The following IGF1R variants were observed in gnomAD, a reference collection of about 807,000 sequenced individuals.
IGF1R encodes insulin-like growth factor 1 receptor.
In IGF1R, 44 loss-of-function variants were observed where a neutral mutation model predicts 144.6. That is an observed-to-expected ratio of 0.30 (90% confidence interval 0.24 to 0.39). IGF1R has a LOEUF of 0.39. Among genes scored for constraint, IGF1R ranks in the 10% least tolerant of loss-of-function variants. The probability of loss-of-function intolerance (pLI) is 1.00; values close to 1 mark genes in which losing one functional copy is unlikely to be tolerated. For missense variants in IGF1R, 1,355 were observed against 1,833.7 expected (o/e 0.74, Z 4.77); for synonymous variants, 795 against 722.8 (o/e 1.10, Z -1.60).
chr15:98,918,282 A>C (rs1427606136), intron 10 of IGF1R, among the ~76,000 whole-genome samples: 1 of 152,066 alleles, frequency 6.6e-6, no homozygotes, highest in Non-Finnish European at 1.5e-5. Flanking sequence ...CCCACCCAGC[A>C]CGTTCCCTTC....
intron 1 of IGF1R, among the ~76,000 whole-genome samples, chr15:98,700,345 A>T (rs2053696768): frequency 6.6e-6 from 1 of 152,020 alleles, no homozygotes; most frequent in Non-Finnish European, 1.5e-5. Flanking sequence ...TGTCAATTTG[A>T]GAAGTAACAG....
At chr15:98,833,131 A>G (rs1177944597) in intron 2 of IGF1R, among the ~76,000 whole-genome samples, 3 of 152,216 alleles carry the variant, frequency 2.0e-5, no homozygotes, top group Admixed American at 6.5e-5. Context: ...CTGAACTTCA[A>G]TAGAATAACA....
intron 2 of IGF1R, among the ~76,000 whole-genome samples, chr15:98,775,103 A>T (rs967641065): frequency 6.6e-6 from 1 of 152,084 alleles, no homozygotes; most frequent in African/African-American, 2.4e-5. Context: ...AGGTTATAAT[A>T]CCTGAGTCCA....
chr15:98,942,882 C>G, intron 18 of IGF1R, 41 bp from the exon 19 acceptor site: 1 of 1,613,576 alleles, frequency 6.2e-7, no homozygotes, highest in Middle Eastern at 1.7e-4. Flanking sequence ...GCAGTGGTGC[C>G]TGCTCCAGCG....
At chr15:98,777,331 A>G (rs1567124016) in intron 2 of IGF1R, among the ~76,000 whole-genome samples, 2 of 152,260 alleles carry the variant, frequency 1.3e-5, no homozygotes, top group Admixed American at 6.5e-5. Context: ...TGCCAAGGTT[A>G]AAGTTGAGAC....
At chr15:98,870,239 C>T (rs866249064) in intron 2 of IGF1R, among the ~76,000 whole-genome samples, 1 of 152,204 alleles carries the variant, frequency 6.6e-6, no homozygotes, top group Non-Finnish European at 1.5e-5. Context: ...TGAAGTTGTA[C>T]CTATTAAACA....
At chr15:98,692,055 C>T (rs763256552) in intron 1 of IGF1R, among the ~76,000 whole-genome samples, 86 of 152,116 alleles carry the variant, frequency 5.7e-4, no homozygotes, top group Non-Finnish European at 1.2e-3. Flanking sequence ...TTTCTTTGGC[C>T]GGGCACAGAG....
chr15:98,899,411 A>T lies in IGF1R; in HGVS notation c.1103-66A>T. 3 of 1,536,372 alleles carry T rather than the reference A, an allele frequency of 2.0e-6. No individual in the cohort carries two copies. The South Asian group carries it at 3.4e-5, about 17-fold the overall frequency. ...TTGAATTGTTCTCACTTGTGTTTGT[A>T]AGAATCCAAGTATGTCACCCTTACA... On this transcript the variant is annotated intron_variant, in intron 4 of 20. Transcript: ENST00000650285.
intron 2 of IGF1R, among the ~76,000 whole-genome samples, chr15:98,804,908 C>A (rs1226101648): frequency 2.3e-4 from 35 of 152,158 alleles, no homozygotes; most frequent in Admixed American, 2.3e-3. Flanking sequence ...GTTGGCCAGG[C>A]TGGTCTTGAA....
chr15:98,764,897 C>G (rs2055397581), intron 2 of IGF1R, among the ~76,000 whole-genome samples: 1 of 152,132 alleles, frequency 6.6e-6, no homozygotes, highest in African/African-American at 2.4e-5. Flanking sequence ...CAATTGCCAT[C>G]TCTATCTAGT....
rs2017277248 is a variant in IGF1R, at chr15:98,962,827, C to G, written c.*5385C>G. On this transcript the variant is annotated 3_prime_UTR_variant, in exon 21 of 21. Transcript: ENST00000650285. ...GAAACCTAACATCCTACTCTGGAAACTGATCTCGGAGTTAAGGCGAATTGT... is the reference window on the plus strand; with the variant it reads ...GAAACCTAACATCCTACTCTGGAAAGTGATCTCGGAGTTAAGGCGAATTGT... The G allele has an allele frequency of 8.6e-6, 2 of 233,624 alleles. No homozygotes were observed. The highest frequency in any genetic ancestry group is 1.7e-5 in the Non-Finnish European group (2 of 118,074). The allele number at this position is 233,624 out of a possible 1,614,324, so 14.5% of individuals were successfully genotyped here.
chr15:98,673,663 C>T (rs2052957389), intron 1 of IGF1R, among the ~76,000 whole-genome samples: 1 of 152,200 alleles, frequency 6.6e-6, no homozygotes, highest in African/African-American at 2.4e-5. Context: ...CTGCTGGCCT[C>T]ACCTTTGGTG....
intron 5 of IGF1R, among the ~76,000 whole-genome samples, chr15:98,901,711 G>C (rs762233822): frequency 6.6e-6 from 1 of 152,218 alleles, no homozygotes; most frequent in Non-Finnish European, 1.5e-5. Context: ...CCTAGGCATG[G>C]AGAAGAGCCA....
rs2053888265 is a variant in IGF1R at position 98,707,279 on chromosome 15, C to T, written c.95-283C>T. Among the ~76,000 whole-genome samples, 1 of 152,128 alleles carries T rather than the reference C, an allele frequency of 6.6e-6. No homozygotes were observed. The highest frequency in any genetic ancestry group is 2.4e-5 in the African/African-American group (1 of 41,422). ...GCCTCTGCCTCTGTGTGCCTCTGGG[C>T]TGTAAGCTTTAGTTTGCACGGTTAA... On this transcript the variant is annotated intron_variant, in intron 1 of 20. Coordinates refer to ENST00000650285, the MANE Select transcript of IGF1R (RefSeq NM_000875.5). This position sits in a 1 kb window ranked among gnomAD's most constrained non-coding sequence, Gnocchi z 6.7.
At chr15:98,921,972 G>C (rs1287714381) in intron 10 of IGF1R, among the ~76,000 whole-genome samples, 176 bp from the exon 11 acceptor site, 1 of 152,180 alleles carries the variant, frequency 6.6e-6, no homozygotes, top group Non-Finnish European at 1.5e-5. Flanking sequence ...TTGCAGAGTA[G>C]AGAAAGCAAG....
chr15:98,702,787 C>T (rs1363795997), intron 1 of IGF1R, among the ~76,000 whole-genome samples: 2 of 151,962 alleles, frequency 1.3e-5, no homozygotes, highest in African/African-American at 4.8e-5. Flanking sequence ...AAAAACAAAA[C>T]AAAACCTAGG....
intron 18 of IGF1R, among the ~76,000 whole-genome samples, chr15:98,942,303 G>C (rs540506880): frequency 3.2e-4 from 48 of 152,192 alleles, no homozygotes; most frequent in Middle Eastern, 3.4e-3. Context: ...TTCTTAAATT[G>C]TGGGACTCTA....
At chr15:98,929,209 G>A (rs2015845057) in intron 13 of IGF1R, among the ~76,000 whole-genome samples, 1 of 151,976 alleles carries the variant, frequency 6.6e-6, no homozygotes, top group South Asian at 2.1e-4. Context: ...AACATTCTGT[G>A]GAATGTGGGA....
At chr15:98,921,226 G>A (rs544321970) in intron 10 of IGF1R, among the ~76,000 whole-genome samples, 11 of 152,198 alleles carry the variant, frequency 7.2e-5, no homozygotes, top group African/African-American at 1.2e-4. Flanking sequence ...TATTCTGTTT[G>A]TTTTTGTTGG....
Sources: allele counts gnomAD v4.1 joint callset (sites outside exome capture counted in the v4.1 genomes callset), GRCh38; gene constraint gnomAD v4.1.1; non-coding constraint Gnocchi (gnomAD v3.1); transcripts MANE v1.5; gene names NCBI Gene and HGNC (gene_info 2026-07-23, HGNC 2026-07-21).